HMCN2: variants seen among roughly 807,000 people sequenced by gnomAD.
HMCN2 encodes the protein hemicentin 2, also known as hemicentin-2.
In HMCN2, 325 loss-of-function variants were observed where a neutral mutation model predicts 377.5. That is an observed-to-expected ratio of 0.86 (90% CI 0.79 to 0.94). The LOEUF (loss-of-function observed/expected upper bound fraction) is 0.94, where lower values mean the gene tolerates loss of function less well. HMCN2 is among the 40% of genes least tolerant of loss of function. The pLI, the probability that HMCN2 is intolerant of heterozygous loss-of-function variation, is 0.00. For missense variants in HMCN2, 4,543 were observed against 4,725.3 expected, an observed-to-expected ratio of 0.96 and a Z score of 1.13; for synonymous variants, 2,007 against 2,046.8, an observed-to-expected ratio of 0.98 and a Z score of 0.53.
At chr9:130,433,259 G>A in intron 97 of HMCN2, 89 bp from the exon 98 acceptor site, 2 of 1,056,482 alleles carry the variant, frequency 1.9e-6, no homozygotes, top group African/African-American at 1.7e-5. Flanking sequence ...GAACTGCAGG[G>A]GCTGGCAGGG....
intron 46 of HMCN2, among the ~76,000 whole-genome samples, chr9:130,371,414 G>GAAAAAA (rs10659347): frequency 6.8e-6 from 1 of 147,028 alleles, no homozygotes; most frequent in Non-Finnish European, 1.5e-5. Context: ...AAGTCCTGCA[G>GAAAAAA]AAAAAAAAAA....
intron 3 of HMCN2, 139 bp downstream of exon 3, chr9:130,285,455 G>T (rs1835369732): frequency 5.4e-6 from 2 of 368,178 alleles, no homozygotes; most frequent in African/African-American, 2.1e-5. Context: ...TCCAGCCTCT[G>T]CCATGCATGG....
chr9:130,318,253 G>A (rs2131392236), intron 15 of HMCN2, among the ~76,000 whole-genome samples: 1 of 152,288 alleles, frequency 6.6e-6, no homozygotes, highest in South Asian at 2.1e-4. Context: ...GAAATTTGAT[G>A]TCATGATTTG....
intron 25 of HMCN2, among the ~76,000 whole-genome samples, chr9:130,344,266 C>T (rs1013144641): frequency 9.2e-5 from 14 of 151,484 alleles, no homozygotes; most frequent in Non-Finnish European, 1.8e-4. Context: ...TGTGAGTGTG[C>T]GAATGTGTAG....
Position 130,422,664 on chromosome 9 carries a change from A to AG in HMCN2, c.13321dup (p.Glu4441GlyfsTer101). ...GCCACACTCAACACCAGCGTGATGC[A>AG]GGAGGCACACTCCGGGGTCAGCAGC... On this transcript the variant is annotated frameshift_variant, in exon 87 of 98. Transcript: ENST00000683500. LOFTEE classifies it high-confidence loss of function. The surrounding 1 kb of genome is among the most constrained non-coding windows in gnomAD (Gnocchi z 4.2). The AG allele has an allele frequency of 3.0e-6, 4 of 1,319,788 alleles. No homozygotes were observed. Among genetic ancestry groups the AG allele is most frequent in the Non-Finnish European group, 2.9e-6 (3 of 1,027,006 alleles). The allele number at this position is 1,319,788 out of a possible 1,614,324, so 81.8% of individuals were successfully genotyped here.
In HMCN2 at chr9:130,429,971, G is replaced by A. The variant is rs1403377190; in HGVS notation, c.14326+286G>A. On this transcript the variant is annotated intron_variant, in intron 94 of 97. Transcript: ENST00000683500. ...TTTCAGGAGGGGGAGGACTGTGGAG[G>A]CAAGTGGGTGTATCTCAGAGAGGCT... is the stretch of plus-strand genomic sequence containing the variant. 8.3e-6 allele frequency: 5 copies of A among 598,842 alleles called. No homozygotes were observed. In the East Asian group the frequency reaches 8.6e-5, roughly 10 times the overall value. The allele number at this position is 598,842 out of a possible 1,614,324, so 37.1% of individuals were successfully genotyped here.
chr9:130,407,456 AC>A, intron 82 of HMCN2, 114 bp from the exon 83 acceptor site: 1 of 925,662 alleles, frequency 1.1e-6, no homozygotes, highest in Non-Finnish European at 1.5e-6. Flanking sequence ...ATCAACCTTC[AC>A]CCGGGACTCC....
intron 97 of HMCN2, 128 bp downstream of exon 97, chr9:130,432,683 T>TG: frequency 9.6e-7 from 1 of 1,036,854 alleles, no homozygotes; most frequent in Non-Finnish European, 1.4e-6. Context: ...CACGGAGCCC[T>TG]GGGGGCAGGG....
rs1840331007 is a variant in HMCN2 at position 130,360,651 on chromosome 9, TTTCA to T, written c.5950+54_5950+57del. On this transcript the variant is annotated intron_variant, in intron 38 of 97. Transcript: ENST00000683500. This position sits in a 1 kb window ranked among gnomAD's most constrained non-coding sequence, Gnocchi z 4.7. Reference sequence around the variant, plus strand: ...AGGTCCCTTGTCCAAAAAGTTGTCTTTTCATTCATTTGTCTATTAGTCTGTCCAT... The same window carrying T: ...AGGTCCCTTGTCCAAAAAGTTGTCTTTTCATTTGTCTATTAGTCTGTCCAT... The T allele has an allele frequency of 8.4e-7, 1 of 1,190,158 alleles. No individual in the cohort carries two copies. The highest frequency in any genetic ancestry group is 1.1e-6 in the Non-Finnish European group (1 of 908,428). 73.7% of individuals were successfully genotyped at this position (1,190,158 alleles called of 1,614,324 possible). A position where few individuals can be genotyped will look rare whatever the true frequency, so the allele number is the denominator to read the frequency against.
chr9:130,319,738 T>A (rs1377194328), intron 16 of HMCN2, 43 bp downstream of exon 16: 1 of 152,050 alleles, frequency 6.6e-6, no homozygotes, highest in Non-Finnish European at 1.5e-5. Flanking sequence ...GGAGACAGGA[T>A]GGCCTCTGAC....
intron 5 of HMCN2, 145 bp downstream of exon 5, chr9:130,295,171 A>AAGTGGAG (rs1330212644): frequency 2.8e-5 from 8 of 285,834 alleles, no homozygotes; most frequent in Non-Finnish European, 5.6e-5. Flanking sequence ...GGGGGACACG[A>AAGTGGAG]AGTGGAGAGA....
chr9:130,430,793 G>T, intron 95 of HMCN2, 189 bp downstream of exon 95: 1 of 602,324 alleles, frequency 1.7e-6, no homozygotes, highest in Non-Finnish European at 2.9e-6. Context: ...CTATTGGGCA[G>T]GGGGCTTCCA....
chr9:130,382,029 C>T (rs1028940856), intron 54 of HMCN2, among the ~76,000 whole-genome samples, 155 bp from the exon 55 acceptor site: 13 of 152,232 alleles, frequency 8.5e-5, no homozygotes, highest in Non-Finnish European at 7.4e-5. Flanking sequence ...CCACTCCACC[C>T]GTGAGCTGGG....
chr9:130,392,678 C>T (rs1424065766), intron 66 of HMCN2, among the ~76,000 whole-genome samples: 3 of 152,032 alleles, frequency 2.0e-5, no homozygotes, highest in Non-Finnish European at 4.4e-5. Flanking sequence ...GAGGCTTTAT[C>T]CTGGGGGCAC....
rs544132947 is a variant in HMCN2 at position 130,396,934 on chromosome 9, C to T, written c.11199-594C>T. On this transcript the variant is annotated intron_variant, in intron 73 of 97. Transcript: ENST00000683500. ...AAGCCCAGGAGGGTGCTGGAGATGC[C>T]CAAAGCAGCCCTTCTCTCCATCTTT... is the stretch of plus-strand genomic sequence containing the variant. 2.5e-4 allele frequency among the ~76,000 whole-genome samples: 38 copies of T among 152,298 alleles called. 1 individual carries two copies. Among genetic ancestry groups the T allele is most frequent in the African/African-American group, 8.4e-4 (35 of 41,574 alleles).
chr9:130,309,706 A>G (rs1837115833), intron 14 of HMCN2, among the ~76,000 whole-genome samples: 1 of 151,878 alleles, frequency 6.6e-6, no homozygotes, highest in Non-Finnish European at 1.5e-5. Context: ...CTTAGCCCCA[A>G]CCCTGTTCAA....
chr9:130,311,561 G>A (rs968036112), intron 15 of HMCN2, among the ~76,000 whole-genome samples: 5 of 152,304 alleles, frequency 3.3e-5, no homozygotes, highest in African/African-American at 9.6e-5. Context: ...ACAGGGCACC[G>A]AGTGGCTGGA....
At chr9:130,395,881 T>C (rs1332785234) in intron 71 of HMCN2, 43 bp from the exon 72 acceptor site, 1 of 1,262,676 alleles carries the variant, frequency 7.9e-7, no homozygotes, top group African/African-American at 1.5e-5. Flanking sequence ...CTGACGCAGC[T>C]GGGCACTGAT....
At chr9:130,306,754 G>A (rs1255319570) in intron 12 of HMCN2, 57 bp from the exon 13 acceptor site, 1 of 436,372 alleles carries the variant, frequency 2.3e-6, no homozygotes, top group Non-Finnish European at 4.9e-6. Context: ...TGTTATTAAT[G>A]ATGATTGTGG....
Sources: allele counts gnomAD v4.1 joint callset (sites outside exome capture counted in the v4.1 genomes callset), GRCh38; gene constraint gnomAD v4.1.1; non-coding constraint Gnocchi (gnomAD v3.1); transcripts MANE v1.5; gene names NCBI Gene and HGNC (gene_info 2026-07-23, HGNC 2026-07-21).